The following PCP4 variants were observed in gnomAD, a reference collection of about 807,000 sequenced individuals.
The protein encoded by PCP4 is calmodulin regulator protein PCP4.
A neutral mutation model predicts 10.0 loss-of-function variants in PCP4; 8 were observed. The ratio of observed to expected loss-of-function variants is 0.80; its 90% confidence interval spans 0.47 to 1.45. PCP4 has a LOEUF of 1.45. Among genes scored for constraint, PCP4 ranks in the 40% most tolerant of loss-of-function variants. PCP4 has a pLI of 0.00. For missense variants in PCP4, 54 were observed against 74.4 expected (o/e 0.73, Z 1.01); for synonymous variants, 21 against 23.0 (o/e 0.91, Z 0.24).
chr21:39,913,286 A>G (rs2087549921), intron 2 of PCP4, among the ~76,000 whole-genome samples: 1 of 152,218 alleles, frequency 6.6e-6, no homozygotes, highest in Non-Finnish European at 1.5e-5. Flanking sequence ...CTTTGCTCCA[A>G]ACCTACAAAG....
intron 2 of PCP4, among the ~76,000 whole-genome samples, chr21:39,899,118 A>G (rs1177606912): frequency 6.6e-6 from 1 of 152,186 alleles, no homozygotes; most frequent in African/African-American, 2.4e-5. Flanking sequence ...ATGGATCAGG[A>G]AATGGAGGCT....
At chr21:39,899,352 G>A (rs1767021260) in intron 2 of PCP4, among the ~76,000 whole-genome samples, 1 of 152,160 alleles carries the variant, frequency 6.6e-6, no homozygotes, top group African/African-American at 2.4e-5. Context: ...CTCCTTTTAT[G>A]GAAAATGACT....
At chr21:39,880,158 C>CTATATG (rs1568850637) in intron 1 of PCP4, among the ~76,000 whole-genome samples, 3 of 150,154 alleles carry the variant, frequency 2.0e-5, no homozygotes, top group Non-Finnish European at 4.4e-5. Context: ...ATATCTATAT[C>CTATATG]TATATCTATA....
intron 2 of PCP4, chr21:39,926,115 T>C (rs1601190981): frequency 6.6e-6 from 3 of 455,712 alleles, no homozygotes; most frequent in Non-Finnish European, 1.3e-5. Context: ...GCCACTCCTC[T>C]AACAGCATCT....
At chr21:39,905,831 G>A (rs544090038) in intron 2 of PCP4, among the ~76,000 whole-genome samples, 3 of 152,208 alleles carry the variant, frequency 2.0e-5, no homozygotes, top group East Asian at 1.9e-4. Context: ...GGTGGATCAC[G>A]AGGTCAGGAG....
intron 1 of PCP4, among the ~76,000 whole-genome samples, chr21:39,893,422 G>C (rs2087442737): frequency 6.6e-6 from 1 of 152,202 alleles, no homozygotes; most frequent in African/African-American, 2.4e-5. Context: ...TTTAATTGGG[G>C]TTTTATTAGA....
intron 2 of PCP4, chr21:39,926,010 C>T: frequency 2.2e-6 from 1 of 456,140 alleles, no homozygotes; most frequent in South Asian, 1.5e-5. Context: ...GAACCCTGTG[C>T]CACCGAGTCT....
chr21:39,908,936 C>T (rs990537192), intron 2 of PCP4, among the ~76,000 whole-genome samples: 1 of 152,178 alleles, frequency 6.6e-6, no homozygotes, highest in Non-Finnish European at 1.5e-5. Flanking sequence ...GGATCAGCTG[C>T]TTAAAAATAT....
chr21:39,900,864 G>T (rs1344807708), intron 2 of PCP4, among the ~76,000 whole-genome samples: 1 of 152,006 alleles, frequency 6.6e-6, no homozygotes, highest in Non-Finnish European at 1.5e-5. Flanking sequence ...AGGTGTATCT[G>T]CCATACACTG....
At position 39,867,442 on chromosome 21, in the gene PCP4, AC is replaced by A; in HGVS notation, c.-56del. On this transcript the variant is annotated 5_prime_UTR_variant, in exon 1 of 3. Transcript: ENST00000328619. ...AAAAGCCAGAACCGGTGGAGCAGCG[AC>A]CCCTGAGCAGTGTTCTCTGTGCTGA... 1.9e-6 allele frequency: 3 copies of A among 1,605,294 alleles called. No homozygotes were observed. The highest frequency in any genetic ancestry group is 2.6e-6 in the Non-Finnish European group (3 of 1,172,146).
intron 1 of PCP4, among the ~76,000 whole-genome samples, chr21:39,895,282 T>C (rs1204596875): frequency 2.0e-5 from 3 of 152,256 alleles, no homozygotes; most frequent in African/African-American, 4.8e-5. Context: ...AGAGCCTAGC[T>C]CTGGGTGCTT....
At chr21:39,885,986 G>A (rs2087399042) in intron 1 of PCP4, among the ~76,000 whole-genome samples, 1 of 152,222 alleles carries the variant, frequency 6.6e-6, no homozygotes, top group Non-Finnish European at 1.5e-5. Flanking sequence ...TTCCGGGCTT[G>A]TAGATGCTGT....
Position 39,906,057 on chromosome 21 carries a change from T to TC in PCP4, c.61+7535dup, listed in dbSNP as rs1257218970. On this transcript the variant is annotated intron_variant, in intron 2 of 2. Transcript: ENST00000328619. This position sits in a 1 kb window ranked among gnomAD's most constrained non-coding sequence, Gnocchi z 6.3. ...AGAGCGAGACTCCGTCTCAAAATGC[T>TC]CCCCCATGCTGTCTTCCCTTTGATG... 6.6e-6 allele frequency among the ~76,000 whole-genome samples: 1 copy of TC among 151,984 alleles called. No homozygotes were observed. The highest frequency in any genetic ancestry group is 1.5e-5 in the Non-Finnish European group (1 of 67,980).
At chr21:39,890,923 G>T (rs911082484) in intron 1 of PCP4, among the ~76,000 whole-genome samples, 2 of 152,066 alleles carry the variant, frequency 1.3e-5, no homozygotes, top group Non-Finnish European at 2.9e-5. Context: ...ATTTGTTTGT[G>T]GGACTGTTAG....
At chr21:39,888,465 G>GA (rs1488126156) in intron 1 of PCP4, among the ~76,000 whole-genome samples, 2 of 152,202 alleles carry the variant, frequency 1.3e-5, no homozygotes, top group Non-Finnish European at 2.9e-5. Context: ...CTCCTTAGAT[G>GA]TGGCCAGTAG....
chr21:39,889,262 G>C (rs2087416651), intron 1 of PCP4, among the ~76,000 whole-genome samples: 1 of 152,118 alleles, frequency 6.6e-6, no homozygotes, highest in Non-Finnish European at 1.5e-5. Flanking sequence ...AAAGGGAGGA[G>C]TGTATGGCAC....
chr21:39,929,222 C>G lies in PCP4; in HGVS notation c.*111C>G. 9.6e-7 allele frequency: 1 copy of G among 1,040,126 alleles called. No individual in the cohort carries two copies. Among genetic ancestry groups the G allele is most frequent in the East Asian group, 2.5e-5 (1 of 40,178 alleles). 64.4% of individuals were successfully genotyped at this position (1,040,126 alleles called of 1,614,324 possible). A position where few individuals can be genotyped will look rare whatever the true frequency, so the allele number is the denominator to read the frequency against. Reference sequence around the variant, plus strand: ...AAGTCATCCACACACAATCCACACACGCATAGCAAACCTCCAATGCATGTA... The same window carrying G: ...AAGTCATCCACACACAATCCACACAGGCATAGCAAACCTCCAATGCATGTA... On this transcript the variant is annotated 3_prime_UTR_variant, in exon 3 of 3. Coordinates refer to ENST00000328619, the MANE Select transcript of PCP4 (RefSeq NM_006198.3).
chr21:39,880,685 C>T (rs753091588), intron 1 of PCP4, among the ~76,000 whole-genome samples: 5 of 152,050 alleles, frequency 3.3e-5, no homozygotes, highest in African/African-American at 4.8e-5. Context: ...TGAGTATGTC[C>T]GGAGGGAACA....
intron 1 of PCP4, among the ~76,000 whole-genome samples, chr21:39,887,459 G>A (rs1300044882): frequency 6.6e-6 from 1 of 151,800 alleles, no homozygotes; most frequent in Non-Finnish European, 1.5e-5. Flanking sequence ...ATGTTATTAG[G>A]AGAATTATAG....
Sources: allele counts gnomAD v4.1 joint callset (sites outside exome capture counted in the v4.1 genomes callset), GRCh38; gene constraint gnomAD v4.1.1; non-coding constraint Gnocchi (gnomAD v3.1); transcripts MANE v1.5; gene names NCBI Gene and HGNC (gene_info 2026-07-23, HGNC 2026-07-21).